MPPED2: variants seen among roughly 807,000 people sequenced by gnomAD.
The protein encoded by MPPED2 is metallophosphoesterase MPPED2.
A neutral mutation model predicts 33.0 loss-of-function variants in MPPED2; 5 were observed. The observed-to-expected ratio is 0.15, with a 90% CI of 0.08 to 0.32. MPPED2 has a LOEUF of 0.32. Ranked by LOEUF, MPPED2 falls within the 10% of genes least tolerant of loss-of-function variation. MPPED2 has a pLI of 1.00. For missense variants in MPPED2, 275 were observed against 372.1 expected (o/e 0.74, Z 2.15); for synonymous variants, 136 against 141.9 (o/e 0.96, Z 0.29).
intron 4 of MPPED2, among the ~76,000 whole-genome samples, chr11:30,439,972 G>A (rs532757896): frequency 6.6e-6 from 1 of 152,328 alleles, no homozygotes; most frequent in African/African-American, 2.4e-5. Flanking sequence ...CTTGACATAC[G>A]TTAGATCAGG....
Position 30,411,211 on chromosome 11 carries a change from A to G in MPPED2, c.*257T>C. 3 of 1,109,936 alleles carry G rather than the reference A, an allele frequency of 2.7e-6. No individual in the cohort carries two copies. The highest frequency in any genetic ancestry group is 2.2e-6 in the Non-Finnish European group (2 of 909,274). 68.8% of individuals were successfully genotyped at this position (1,109,936 alleles called of 1,614,324 possible). A position where few individuals can be genotyped will look rare whatever the true frequency, so the allele number is the denominator to read the frequency against. ...AAAGCTTGGCTGTCCTTTGGCGAAC[A>G]CTAACAATTTACAATGGCATGGCCT... On this transcript the variant is annotated 3_prime_UTR_variant, in exon 7 of 7. Transcript: ENST00000358117.
chr11:30,564,925 C>T (rs969614920), intron 2 of MPPED2, among the ~76,000 whole-genome samples: 3 of 152,116 alleles, frequency 2.0e-5, no homozygotes, highest in Non-Finnish European at 4.4e-5. Flanking sequence ...TTCATGTAAA[C>T]AATTCAGAAC....
chr11:30,544,353 A>G (rs1384859072), intron 2 of MPPED2, among the ~76,000 whole-genome samples: 1 of 152,204 alleles, frequency 6.6e-6, no homozygotes, highest in Non-Finnish European at 1.5e-5. Flanking sequence ...GCCATGTAAT[A>G]CTGTACTGAG....
intron 4 of MPPED2, among the ~76,000 whole-genome samples, chr11:30,450,870 G>T (rs1418120454): frequency 2.0e-5 from 3 of 152,172 alleles, no homozygotes; most frequent in Non-Finnish European, 4.4e-5. Context: ...GAGGAGATCT[G>T]GCTCAGGGCC....
At chr11:30,497,638 C>T (rs1952341350) in intron 3 of MPPED2, among the ~76,000 whole-genome samples, 1 of 152,110 alleles carries the variant, frequency 6.6e-6, no homozygotes, top group Non-Finnish European at 1.5e-5. Context: ...TCAGGGACAG[C>T]GTGGGTGAGA....
chr11:30,501,939 G>A (rs868337787), intron 3 of MPPED2, among the ~76,000 whole-genome samples: 12 of 152,116 alleles, frequency 7.9e-5, no homozygotes, highest in African/African-American at 2.2e-4. Context: ...GCTGTGCTCC[G>A]TGAAGCCTCC....
In MPPED2 at chr11:30,410,467, T is replaced by C. The variant is rs1343519576; in HGVS notation, c.*1001A>G. 4.1e-6 allele frequency: 4 copies of C among 985,656 alleles called. No homozygotes were observed. The African/African-American group carries it at 7.0e-5, about 17-fold the overall frequency. 61.1% of individuals were successfully genotyped at this position (985,656 alleles called of 1,614,324 possible). A position where few individuals can be genotyped will look rare whatever the true frequency, so the allele number is the denominator to read the frequency against. ...GGGGAGAGGAAGTAAGAAGACAACT[T>C]GGGGTATTTAAATAGAAAGGACAAC... On this transcript the variant is annotated 3_prime_UTR_variant, in exon 7 of 7. Coordinates refer to ENST00000358117, the MANE Select transcript of MPPED2 (RefSeq NM_001584.3).
chr11:30,410,652 G>A lies in MPPED2; in HGVS notation c.*816C>T. 5.1e-6 allele frequency: 5 copies of A among 985,656 alleles called. No individual in the cohort carries two copies. The highest frequency in any genetic ancestry group is 6.0e-6 in the Non-Finnish European group (5 of 829,810). 61.1% of individuals were successfully genotyped at this position (985,656 alleles called of 1,614,324 possible). ...TGTTGCTATACAGCATCCCTTTGCAGTTGTACTGTCCTTGACAATAATAAA... is the reference window on the plus strand; with the variant it reads ...TGTTGCTATACAGCATCCCTTTGCAATTGTACTGTCCTTGACAATAATAAA... On this transcript the variant is annotated 3_prime_UTR_variant, in exon 7 of 7. Coordinates refer to ENST00000358117, the MANE Select transcript of MPPED2 (RefSeq NM_001584.3).
intron 1 of MPPED2, chr11:30,584,243 T>TG (rs1280763928): frequency 2.0e-5 from 3 of 150,758 alleles, no homozygotes; most frequent in Admixed American, 6.6e-5. Context: ...GGTGGGGCGG[T>TG]GGGGGGCGCG....
At chr11:30,451,678 T>G (rs1250541778) in intron 4 of MPPED2, 1 of 950,210 alleles carries the variant, frequency 1.1e-6, no homozygotes, top group African/African-American at 1.8e-5. Flanking sequence ...ACTTTTACTA[T>G]TTCCTTGTGT....
intron 2 of MPPED2, among the ~76,000 whole-genome samples, chr11:30,572,258 C>T (rs914994620): frequency 1.3e-5 from 2 of 152,106 alleles, no homozygotes; most frequent in African/African-American, 2.4e-5. Flanking sequence ...GTTCTAGGAA[C>T]AAATTCCTAT....
In MPPED2 at chr11:30,550,117, G is replaced by C. The variant is rs537307632; in HGVS notation, c.129-13942C>G. Among the ~76,000 whole-genome samples the C allele has an allele frequency of 2.0e-5, 3 of 152,270 alleles. No homozygotes were observed. In the South Asian group the frequency reaches 6.2e-4, roughly 32 times the overall value. On this transcript the variant is annotated intron_variant, in intron 2 of 6. Coordinates refer to ENST00000358117, the MANE Select transcript of MPPED2 (RefSeq NM_001584.3). ...TGTCCATTGTAGGAAAGCAGTCCTC[G>C]CTGATAGATTAAATTTGATTAGCAC...
At chr11:30,440,084 C>A (rs1949498511) in intron 4 of MPPED2, among the ~76,000 whole-genome samples, 1 of 152,158 alleles carries the variant, frequency 6.6e-6, no homozygotes, top group Admixed American at 6.5e-5. Context: ...AATTCCAGCA[C>A]TTTGGGAGGC....
chr11:30,452,715 G>A (rs1413464402), intron 4 of MPPED2, among the ~76,000 whole-genome samples: 1 of 152,180 alleles, frequency 6.6e-6, no homozygotes, highest in Non-Finnish European at 1.5e-5. Flanking sequence ...TCTTGAAAAA[G>A]CTGCCTTTGG....
At chr11:30,503,762 A>G (rs1245999806) in intron 3 of MPPED2, among the ~76,000 whole-genome samples, 1 of 152,196 alleles carries the variant, frequency 6.6e-6, no homozygotes, top group African/African-American at 2.4e-5. Flanking sequence ...TTTAAAATAT[A>G]TAAGGAAACC....
chr11:30,388,518 TAGGGGATGCCG>T (rs1947730101), exon 7 of MPPED2: 1 of 163,832 alleles, frequency 6.1e-6, no homozygotes, highest in Non-Finnish European at 1.3e-5. Flanking sequence ...GGACTGTTGG[TAGGGGATGCCG>T]AGGCTTAGAG....
intron 4 of MPPED2, among the ~76,000 whole-genome samples, chr11:30,431,535 T>C (rs1170883921): frequency 1.3e-5 from 2 of 152,206 alleles, no homozygotes; most frequent in Non-Finnish European, 2.9e-5. Flanking sequence ...AAATAAATGT[T>C]GGTTTTATTG....
At chr11:30,561,845 G>A (rs929103050) in intron 2 of MPPED2, among the ~76,000 whole-genome samples, 2 of 152,174 alleles carry the variant, frequency 1.3e-5, no homozygotes, top group African/African-American at 4.8e-5. Context: ...ACCAATGATA[G>A]AGAACAGAAG....
At chr11:30,504,750 C>T in intron 3 of MPPED2, 1 of 1,285,330 alleles carries the variant, frequency 7.8e-7, no homozygotes, top group Non-Finnish European at 1.0e-6. Context: ...GCTGATGGAG[C>T]CACACAGCAG....
Sources: allele counts gnomAD v4.1 joint callset (sites outside exome capture counted in the v4.1 genomes callset), GRCh38; gene constraint gnomAD v4.1.1; transcripts MANE v1.5; gene names NCBI Gene and HGNC (gene_info 2026-07-23, HGNC 2026-07-21).